EMCN: variants seen among roughly 807,000 people sequenced by gnomAD.
EMCN encodes the protein endomucin.
EMCN carries 37 observed loss-of-function variants against 38.4 expected under a neutral mutation model. The observed-to-expected ratio is 0.96, with a 90% CI of 0.74 to 1.27. The LOEUF is 1.27. Among genes scored for constraint, EMCN ranks in the 50% most tolerant of loss-of-function variants. The probability of loss-of-function intolerance (pLI) is 0.00; values close to 1 mark genes in which losing one functional copy is unlikely to be tolerated. For synonymous variants in EMCN, 95 were observed against 100.8 expected, an observed-to-expected ratio of 0.94 and a Z score of 0.35; for missense variants, 318 against 302.8, an observed-to-expected ratio of 1.05 and a Z score of -0.37.
Position 100,398,209 on chromosome 4 carries a change from G to C in EMCN, c.*204C>G, listed in dbSNP as rs1372789550. Reference sequence around the variant, plus strand: ...TTTTTAAATGTGAGAGAACAGGAGAGCCCCGGGGTTCTTTTTGATTCCATC... The same window carrying C: ...TTTTTAAATGTGAGAGAACAGGAGACCCCCGGGGTTCTTTTTGATTCCATC... On this transcript the variant is annotated 3_prime_UTR_variant, in exon 12 of 12. Coordinates refer to ENST00000296420, the MANE Select transcript of EMCN (RefSeq NM_016242.4). 1 of 152,090 alleles carries C rather than the reference G, an allele frequency of 6.6e-6. No homozygotes were observed. Among genetic ancestry groups the C allele is most frequent in the African/African-American group, 2.4e-5 (1 of 41,426 alleles). The allele number at this position is 152,090 out of a possible 1,614,324, so 9.4% of individuals were successfully genotyped here. A position where few individuals can be genotyped will look rare whatever the true frequency, so the allele number is the denominator to read the frequency against.
At chr4:100,421,241 A>G in intron 8 of EMCN, 41 bp downstream of exon 8, 1 of 1,524,492 alleles carries the variant, frequency 6.6e-7, no homozygotes, top group South Asian at 1.1e-5. Context: ...CTGAGCATTC[A>G]TTCTTCTTTC....
chr4:100,412,625 C>A (rs17553013), intron 10 of EMCN, among the ~76,000 whole-genome samples: 1 of 152,074 alleles, frequency 6.6e-6, no homozygotes, highest in Non-Finnish European at 1.5e-5. Flanking sequence ...CTGACAAGAT[C>A]GCTTACTAAA....
chr4:100,462,463 C>T (rs934021764), intron 4 of EMCN, among the ~76,000 whole-genome samples: 2 of 152,054 alleles, frequency 1.3e-5, no homozygotes, highest in African/African-American at 4.8e-5. Context: ...AATCACAGTC[C>T]GTGAATGACA....
intron 5 of EMCN, among the ~76,000 whole-genome samples, chr4:100,428,064 C>CTGACAGTGTCTG (rs72010620): frequency 0.63 from 95,078 of 151,096 alleles, 32,291 homozygotes; most frequent in African/African-American, 0.88. Flanking sequence ...TCCTTTCTTC[C>CTGACAGTGTCTG]TTCAGCTGAG....
intron 7 of EMCN, among the ~76,000 whole-genome samples, chr4:100,422,609 A>G (rs932484789): frequency 6.6e-6 from 1 of 151,828 alleles, no homozygotes; most frequent in Non-Finnish European, 1.5e-5. Context: ...TTTACTTGAC[A>G]AAAATAAAAT....
intron 3 of EMCN, among the ~76,000 whole-genome samples, chr4:100,473,084 G>T (rs1022184211): frequency 6.8e-6 from 1 of 146,056 alleles, no homozygotes; most frequent in Non-Finnish European, 1.5e-5. Flanking sequence ...GCCCAATCTC[G>T]GCTCACTGCA....
At chr4:100,454,727 A>C (rs1727961792) in intron 4 of EMCN, among the ~76,000 whole-genome samples, 1 of 152,166 alleles carries the variant, frequency 6.6e-6, no homozygotes, top group African/African-American at 2.4e-5. Flanking sequence ...CAAAGTATAG[A>C]TCTTTCTATA....
intron 5 of EMCN, 75 bp downstream of exon 5, chr4:100,447,458 T>C: frequency 1.0e-6 from 1 of 991,058 alleles, no homozygotes; most frequent in East Asian, 2.4e-5. Context: ...CCCAAACTGA[T>C]TGGTGTAATT....
intron 1 of EMCN, among the ~76,000 whole-genome samples, chr4:100,503,807 C>G (rs1259516260): frequency 6.6e-6 from 1 of 152,030 alleles, no homozygotes; most frequent in African/African-American, 2.4e-5. Context: ...ATTTTATTTT[C>G]CTAATTATAA....
intron 1 of EMCN, among the ~76,000 whole-genome samples, chr4:100,494,014 T>G (rs1358087752): frequency 6.6e-6 from 1 of 152,196 alleles, no homozygotes; most frequent in Non-Finnish European, 1.5e-5. Context: ...TTCTAAGTGC[T>G]GGGACAAAAA....
At chr4:100,470,593 T>C (rs918987229) in intron 3 of EMCN, among the ~76,000 whole-genome samples, 43 of 152,112 alleles carry the variant, frequency 2.8e-4, no homozygotes, top group African/African-American at 1.0e-3. Context: ...ATATGTTCGT[T>C]GCAGCACTAT....
intron 11 of EMCN, among the ~76,000 whole-genome samples, chr4:100,408,653 A>C (rs574172866): frequency 1.3e-5 from 2 of 152,020 alleles, no homozygotes; most frequent in South Asian, 4.2e-4. Flanking sequence ...ATCCTCTCCC[A>C]CTCAAGTGCT....
chr4:100,399,213 G>C (rs1726190217), intron 11 of EMCN, among the ~76,000 whole-genome samples: 1 of 152,176 alleles, frequency 6.6e-6, no homozygotes. Flanking sequence ...GTCTATAAAA[G>C]AGCAAGAGAT....
At chr4:100,417,824 T>C (rs1447104724) in intron 8 of EMCN, among the ~76,000 whole-genome samples, 1 of 152,206 alleles carries the variant, frequency 6.6e-6, no homozygotes, top group Non-Finnish European at 1.5e-5. Flanking sequence ...GATCAAATCT[T>C]GCATTAATCT....
chr4:100,429,070 T>G (rs1161388467), intron 5 of EMCN, among the ~76,000 whole-genome samples: 6 of 152,020 alleles, frequency 3.9e-5, no homozygotes, highest in Non-Finnish European at 8.8e-5. Context: ...GAAATTGAAA[T>G]AAGAAATCAG....
intron 4 of EMCN, among the ~76,000 whole-genome samples, chr4:100,453,230 A>G (rs560052675): frequency 6.6e-6 from 1 of 152,280 alleles, no homozygotes; most frequent in South Asian, 2.1e-4. Context: ...CAGAGTGAAC[A>G]GGCAACCTAC....
At chr4:100,477,007 G>T (rs775483674) in intron 2 of EMCN, among the ~76,000 whole-genome samples, 9 of 152,112 alleles carry the variant, frequency 5.9e-5, no homozygotes, top group Non-Finnish European at 1.5e-5. Flanking sequence ...TATCTAGTTA[G>T]TTTCTACATA....
intron 5 of EMCN, among the ~76,000 whole-genome samples, chr4:100,430,469 A>G (rs1338833365): frequency 2.0e-5 from 3 of 152,324 alleles, no homozygotes; most frequent in East Asian, 3.9e-4. Flanking sequence ...CTTTCCTTCA[A>G]CAGGTCAAAC....
chr4:100,449,350 T>C (rs527465127), intron 4 of EMCN, among the ~76,000 whole-genome samples: 2 of 152,218 alleles, frequency 1.3e-5, no homozygotes, highest in East Asian at 3.9e-4. Flanking sequence ...CTGAGAGTAG[T>C]AAAATTAATT....
Sources: allele counts gnomAD v4.1 joint callset (sites outside exome capture counted in the v4.1 genomes callset), GRCh38; gene constraint gnomAD v4.1.1; transcripts MANE v1.5; gene names NCBI Gene and HGNC (gene_info 2026-07-23, HGNC 2026-07-21).